Variants in DACT2 observed in about 807,000 individuals in gnomAD.
The protein encoded by DACT2 is dishevelled binding antagonist of beta catenin 2, also known as dapper homolog 2.
In DACT2, 20 loss-of-function variants were observed where a neutral mutation model predicts 22.2. The ratio of observed to expected loss-of-function variants is 0.90; its 90% CI spans 0.63 to 1.31. DACT2 has a LOEUF of 1.31. DACT2 is among the 50% of genes most tolerant of loss of function. The pLI, the probability that DACT2 is intolerant of heterozygous loss-of-function variation, is 0.00. For synonymous variants in DACT2, 463 were observed against 479.8 expected, an observed-to-expected ratio of 0.96 and a Z score of 0.46; for missense variants, 1,048 against 1,061.4, an observed-to-expected ratio of 0.99 and a Z score of 0.18.
chr6:168,306,441 C>A (rs533657478), downstream of DACT2, among the ~76,000 whole-genome samples: 1 of 150,940 alleles, frequency 6.6e-6, no homozygotes, highest in Non-Finnish European at 1.5e-5. Flanking sequence ...CACTTTTATG[C>A]CCCCTCTTTT....
At position 168,307,786 on chromosome 6, in the gene DACT2, G is replaced by C. The variant is rs961599660; in HGVS notation, c.1971C>G (p.Thr657=). 6.5e-7 allele frequency: 1 copy of C among 1,544,526 alleles called. No homozygotes were observed. Among genetic ancestry groups the C allele is most frequent in the Non-Finnish European group, 8.7e-7 (1 of 1,146,514 alleles). ...RPSLVRQDAY[T]RSDSEPSKHS... ...GCTTGGAGGGCTCTGAGTCGCTCCT[G>C]GTGTAGGCGTCCTGGCGGACCAGTG... The change falls in exon 4 of 4, where the codon ACC becomes ACG. Residue 657 remains threonine (T), a synonymous_variant. Transcript: ENST00000366795. This position sits in a 1 kb window ranked among gnomAD's most constrained non-coding sequence, Gnocchi z 5.3.
downstream of DACT2, among the ~76,000 whole-genome samples, chr6:168,303,493 C>T (rs1333085111): frequency 6.6e-6 from 1 of 152,192 alleles, no homozygotes; most frequent in African/African-American, 2.4e-5. Flanking sequence ...TCTCTTGCTT[C>T]TTCTCTCACC....
At chr6:168,317,998 CGTCTGTGGCTGTCGTGTGCTG>C (rs1779555421) in intron 1 of DACT2, among the ~76,000 whole-genome samples, 1 of 120,558 alleles carries the variant, frequency 8.3e-6, no homozygotes, top group Non-Finnish European at 2.0e-5. Context: ...GTGTGTAACA[CGTCTGTGGCTGTCGTGTGCTG>C]AGCTGAGGTC....
In DACT2 at chr6:168,308,174, G is replaced by A. The variant is rs766214452; in HGVS notation, c.1583C>T (p.Pro528Leu). The part of the protein sequence containing the change: ...LDRPEGAHAA[P>L]QPSLEWDPAH... ...AGGGTCCCACTCCAGGGATGGCTGG[G>A]GGGCTGCATGGGCTCCCTCAGGCCT... The change falls in exon 4 of 4, where the codon CCC becomes CTC. Residue 528 changes from proline (P) to leucine (L), a missense_variant. Physicochemically the swap from Pro to Leu is moderately conservative, Grantham distance 98. Coordinates refer to ENST00000366795, the MANE Select transcript of DACT2 (RefSeq NM_214462.5). The A allele has an allele frequency of 1.3e-6, 2 of 1,551,164 alleles. No homozygotes were observed. The highest frequency in any genetic ancestry group is 1.4e-5 in the African/African-American group (1 of 73,138).
chr6:168,304,833 T>C (rs1169285536), downstream of DACT2, among the ~76,000 whole-genome samples: 1 of 152,148 alleles, frequency 6.6e-6, no homozygotes, highest in Non-Finnish European at 1.5e-5. Flanking sequence ...GGCTGCCTGG[T>C]CCCGCAGAAC....
chr6:168,308,897 G>C lies in DACT2; in HGVS notation c.860C>G (p.Pro287Arg). ...SPLHAVALQS[P>R]LFVLTKETPQ... is the part of the protein sequence containing the mutation. ...GGTTTCCTTAGTCAGGACAAACAGG[G>C]GGCTCTGTAGAGCCACGGCGTGCAG... The change falls in exon 4 of 4, where the codon CCC becomes CGC. Residue 287 changes from proline (P) to arginine (R), a missense_variant. Coordinates refer to ENST00000366795, the MANE Select transcript of DACT2 (RefSeq NM_214462.5). 6.4e-7 allele frequency: 1 copy of C among 1,550,814 alleles called. No individual in the cohort carries two copies. The highest frequency in any genetic ancestry group is 8.7e-7 in the Non-Finnish European group (1 of 1,146,838).
chr6:168,308,984 G>C lies in DACT2; in HGVS notation c.773C>G (p.Pro258Arg). 3.9e-6 allele frequency: 6 copies of C among 1,549,518 alleles called. No individual in the cohort carries two copies. Among genetic ancestry groups the C allele is most frequent in the Non-Finnish European group, 5.2e-6 (6 of 1,146,968 alleles). The change falls in exon 4 of 4, where the codon CCC becomes CGC. Residue 258 changes from proline to arginine, a missense_variant. Coordinates refer to ENST00000366795, the MANE Select transcript of DACT2 (RefSeq NM_214462.5). ...GGACACCAGGTCCTGCCGATACTTG[G>C]GGTCCGGCACGTGCAGCGGGATATC... ...GVDIPLHVPD[P>R]KYRQDLVSQG...
At chr6:168,313,798 C>T (rs370913732) in intron 1 of DACT2, among the ~76,000 whole-genome samples, 7 of 152,294 alleles carry the variant, frequency 4.6e-5, no homozygotes, top group Admixed American at 1.3e-4. Context: ...CCCCCAGCCC[C>T]GTTCCCGCCC....
chr6:168,311,935 G>T (rs961222928), intron 1 of DACT2, among the ~76,000 whole-genome samples: 10 of 152,158 alleles, frequency 6.6e-5, no homozygotes, highest in Non-Finnish European at 1.2e-4. Context: ...GTGCGGTGGC[G>T]TCCTTTCACT....
intron 3 of DACT2, 70 bp downstream of exon 3, chr6:168,310,098 A>T (rs1779355280): frequency 2.6e-6 from 4 of 1,521,998 alleles, no homozygotes; most frequent in Non-Finnish European, 3.5e-6. Flanking sequence ...TGCCCTCAGC[A>T]GCTGGGGACT....
chr6:168,318,434 G>A (rs961368360), intron 1 of DACT2, among the ~76,000 whole-genome samples: 6 of 152,204 alleles, frequency 3.9e-5, no homozygotes, highest in South Asian at 2.1e-4. Flanking sequence ...CGAGGCAGAC[G>A]GTCATGCCGC....
chr6:168,293,805 GGGA>G, exon 6 of DACT2: 1 of 699,280 alleles, frequency 1.4e-6, no homozygotes, highest in Non-Finnish European at 2.6e-6. Flanking sequence ...CGATGATATC[GGGA>G]GAAGAAGCTG....
chr6:168,303,554 GA>G (rs1414128248), downstream of DACT2, among the ~76,000 whole-genome samples: 1 of 152,196 alleles, frequency 6.6e-6, no homozygotes, highest in African/African-American at 2.4e-5. Context: ...ACCGTGGGTA[GA>G]AGCAGCATAA....
chr6:168,306,765 A>T, downstream of DACT2: 1 of 613,232 alleles, frequency 1.6e-6, no homozygotes, highest in Non-Finnish European at 2.0e-6. Context: ...TTTACTTTTT[A>T]TACTAAAACC....
intron 2 of DACT2, among the ~76,000 whole-genome samples, 193 bp downstream of exon 2, chr6:168,310,959 T>C (rs898023743): frequency 4.6e-5 from 7 of 152,230 alleles, no homozygotes; most frequent in African/African-American, 1.4e-4. Context: ...CCAATTAATA[T>C]ATATGCCCTG....
rs1276723583 is a variant in DACT2 at position 168,311,180 on chromosome 6, G to C, written c.351C>G (p.Ala117=). 1 of 1,545,030 alleles carries C rather than the reference G, an allele frequency of 6.5e-7. No homozygotes were observed. Residue 117 remains alanine (A), a synonymous_variant, in exon 2 of 4, where the codon GCC becomes GCG. Transcript: ENST00000366795. ...AGCTGGGCCTGCTGTCGCTGTCCAG[G>C]GCCTCCCCTGAGGCTGTGCCCACAT... ...QLDVGTASGE[A]LDSDSRPSSG...
downstream of DACT2, among the ~76,000 whole-genome samples, chr6:168,303,599 T>G (rs1231152192): frequency 6.6e-6 from 1 of 152,216 alleles, no homozygotes; most frequent in Non-Finnish European, 1.5e-5. Flanking sequence ...TGTCTAACTT[T>G]CCAGCCATGC....
intron 2 of DACT2, among the ~76,000 whole-genome samples, 163 bp downstream of exon 2, chr6:168,310,989 C>G (rs1779382730): frequency 6.6e-6 from 1 of 152,216 alleles, no homozygotes; most frequent in African/African-American, 2.4e-5. Context: ...TCAGTGTTGC[C>G]TCCTAACTTT....
rs969648604 is a variant in DACT2, at chr6:168,307,254, C to T, written c.*178G>A. On this transcript the variant is annotated 3_prime_UTR_variant, in exon 4 of 4. Transcript: ENST00000366795. The surrounding 1 kb of genome is among the most constrained non-coding windows in gnomAD (Gnocchi z 5.3). ...CTCCGCATGGAAGTCTTTGCTGGGG[C>T]GGGGACTCACGGCCATACTCCACAG... 8 of 1,421,072 alleles carry T rather than the reference C, an allele frequency of 5.6e-6. No individual in the cohort carries two copies. The African/African-American group carries it at 7.8e-5, about 14-fold the overall frequency. The allele number at this position is 1,421,072 out of a possible 1,614,324, so 88.0% of individuals were successfully genotyped here.
Sources: allele counts gnomAD v4.1 joint callset (sites outside exome capture counted in the v4.1 genomes callset), GRCh38; gene constraint gnomAD v4.1.1; non-coding constraint Gnocchi (gnomAD v3.1); transcripts MANE v1.5; gene names NCBI Gene and HGNC (gene_info 2026-07-23, HGNC 2026-07-21).